CNOT4: variants seen among roughly 807,000 people sequenced by gnomAD.
CNOT4 encodes CCR4-NOT transcription complex subunit 4.
A neutral mutation model predicts 73.8 loss-of-function variants in CNOT4; 8 were observed. The observed-to-expected ratio is 0.11, with a 90% CI of 0.06 to 0.20. The LOEUF (loss-of-function observed/expected upper bound fraction) is 0.20. CNOT4 is among the 10% of genes least tolerant of loss of function. CNOT4 has a pLI of 1.00. For synonymous variants in CNOT4, 293 were observed against 321.1 expected, an observed-to-expected ratio of 0.91 and a Z score of 0.94; for missense variants, 564 against 883.4, an observed-to-expected ratio of 0.64 and a Z score of 4.58.
chr7:135,493,075 T>G (rs1017414492), intron 1 of CNOT4, among the ~76,000 whole-genome samples: 6 of 152,038 alleles, frequency 3.9e-5, no homozygotes, highest in Non-Finnish European at 5.9e-5. Flanking sequence ...AACAAGAGAA[T>G]GGTGGACAAC....
At chr7:135,434,940 T>C (rs1386282014) in intron 2 of CNOT4, among the ~76,000 whole-genome samples, 1 of 152,194 alleles carries the variant, frequency 6.6e-6, no homozygotes, top group Non-Finnish European at 1.5e-5. Context: ...ATAAAGTTCA[T>C]GAATCTTTGC....
rs544095892 is a variant in CNOT4, at chr7:135,362,714, T to C, written c.*171A>G. 8 of 768,310 alleles carry C rather than the reference T, an allele frequency of 1.0e-5. No homozygotes were observed. The highest frequency in any genetic ancestry group is 2.4e-5 in the East Asian group (1 of 40,862). The allele number at this position is 768,310 out of a possible 1,614,324, so 47.6% of individuals were successfully genotyped here. A position where few individuals can be genotyped will look rare whatever the true frequency, so the allele number is the denominator to read the frequency against. ...AAAATTTTTACAATTAATAAAGAGA[T>C]GGTAATGACCCTGTGATCGCATTGC... On this transcript the variant is annotated 3_prime_UTR_variant, in exon 12 of 12. Coordinates refer to ENST00000541284, the MANE Select transcript of CNOT4 (RefSeq NM_001190850.2).
chr7:135,421,871 A>G (rs1798213624), intron 3 of CNOT4, among the ~76,000 whole-genome samples: 1 of 152,346 alleles, frequency 6.6e-6, no homozygotes. Context: ...ACAGCAAAAT[A>G]GAATCATTAT....
At chr7:135,419,916 G>A (rs549166337) in intron 3 of CNOT4, among the ~76,000 whole-genome samples, 1 of 151,830 alleles carries the variant, frequency 6.6e-6, no homozygotes, top group Admixed American at 6.6e-5. Context: ...AGCTGGGCAT[G>A]GTGGTGCACA....
At chr7:135,437,847 C>A (rs1799250730) in intron 2 of CNOT4, among the ~76,000 whole-genome samples, 1 of 152,128 alleles carries the variant, frequency 6.6e-6, no homozygotes, top group South Asian at 2.1e-4. Context: ...CCTCTCTATT[C>A]TTAATTTCCT....
rs1271666452 is a variant in CNOT4, at chr7:135,364,502, A to G, written c.1628-436T>C. ...TATTTCTCAGCCCACAAATGGAAGA[A>G]AAGTCATTTTATGAAGAATAAACAT... On this transcript the variant is annotated intron_variant, in intron 10 of 11. Transcript: ENST00000541284. The surrounding 1 kb of genome is among the most constrained non-coding windows in gnomAD (Gnocchi z 4.3). Among the ~76,000 whole-genome samples the G allele has an allele frequency of 5.9e-5, 9 of 152,276 alleles. No homozygotes were observed. Among genetic ancestry groups the G allele is most frequent in the Non-Finnish European group, 1.3e-4 (9 of 68,046 alleles).
intron 1 of CNOT4, among the ~76,000 whole-genome samples, chr7:135,467,683 C>A (rs969584392): frequency 1.1e-4 from 16 of 151,890 alleles, no homozygotes; most frequent in African/African-American, 3.9e-4. Flanking sequence ...TGCACTCCAG[C>A]CTGGATGACA....
intron 1 of CNOT4, among the ~76,000 whole-genome samples, chr7:135,495,268 G>A (rs1432858125): frequency 1.3e-5 from 2 of 152,128 alleles, no homozygotes; most frequent in Non-Finnish European, 2.9e-5. Flanking sequence ...ACTTTGGGAG[G>A]CCAAGGCGGG....
chr7:135,387,135 G>A, intron 10 of CNOT4: 2 of 978,682 alleles, frequency 2.0e-6, no homozygotes, highest in Non-Finnish European at 2.4e-6. Flanking sequence ...TATAGTAAAA[G>A]ACTGATAATA....
chr7:135,456,868 G>C lies in CNOT4; in HGVS notation c.-92-18445C>G, dbSNP rs79312099. Among the ~76,000 whole-genome samples, 342 of 152,090 alleles carry C rather than the reference G, an allele frequency of 2.2e-3. 12 individuals carry two copies. In the East Asian group the frequency reaches 0.054, roughly 24 times the overall value. On this transcript the variant is annotated intron_variant, in intron 1 of 11. Transcript: ENST00000541284. ...TTTCAGGCAATCACTGGGGGTCTTG[G>C]AACGCATCACCCATGGATAAGGGAG...
intron 1 of CNOT4, among the ~76,000 whole-genome samples, chr7:135,482,823 T>C (rs575141325): frequency 2.7e-5 from 4 of 150,542 alleles, no homozygotes; most frequent in African/African-American, 9.8e-5. Context: ...TCTAATTTTG[T>C]AAAAATACAA....
chr7:135,459,473 T>C (rs1800743023), intron 1 of CNOT4, among the ~76,000 whole-genome samples: 1 of 152,230 alleles, frequency 6.6e-6, no homozygotes, highest in South Asian at 2.1e-4. Context: ...AAGAAATCTT[T>C]TGACTATTAG....
chr7:135,430,663 A>C (rs1423618309), intron 2 of CNOT4, among the ~76,000 whole-genome samples: 2 of 152,144 alleles, frequency 1.3e-5, no homozygotes, highest in African/African-American at 4.8e-5. Context: ...AAACCAAAAA[A>C]CATAAATTAC....
chr7:135,440,846 G>A (rs992297155), intron 1 of CNOT4, among the ~76,000 whole-genome samples: 7 of 151,808 alleles, frequency 4.6e-5, no homozygotes, highest in African/African-American at 1.7e-4. Flanking sequence ...TTGAACCCAG[G>A]AGGCGGAGGT....
At chr7:135,485,025 T>G (rs1802626264) in intron 1 of CNOT4, among the ~76,000 whole-genome samples, 1 of 152,164 alleles carries the variant, frequency 6.6e-6, no homozygotes, top group Non-Finnish European at 1.5e-5. Context: ...CTCCCCAAAT[T>G]GATGTATAGT....
intron 7 of CNOT4, among the ~76,000 whole-genome samples, chr7:135,409,792 C>A (rs971150988): frequency 9.2e-5 from 14 of 151,952 alleles, no homozygotes; most frequent in African/African-American, 3.4e-4. Context: ...CCTAACACAT[C>A]AAATTTAAAG....
intron 7 of CNOT4, among the ~76,000 whole-genome samples, chr7:135,398,993 A>G (rs1294635388): frequency 6.6e-6 from 1 of 152,142 alleles, no homozygotes; most frequent in Non-Finnish European, 1.5e-5. Context: ...GATTCAAACA[A>G]AAACATTAAC....
intron 1 of CNOT4, among the ~76,000 whole-genome samples, chr7:135,468,452 A>G (rs1191363667): frequency 2.0e-5 from 3 of 152,078 alleles, no homozygotes; most frequent in Non-Finnish European, 2.9e-5. Context: ...AGGCCAAGGC[A>G]GGTGGGTGAC....
intron 2 of CNOT4, among the ~76,000 whole-genome samples, chr7:135,425,657 T>C (rs931889806): frequency 1.3e-5 from 2 of 152,186 alleles, no homozygotes; most frequent in African/African-American, 4.8e-5. Context: ...CTTATTCCAG[T>C]ACCTTAAAAG....
Sources: allele counts gnomAD v4.1 joint callset (sites outside exome capture counted in the v4.1 genomes callset), GRCh38; gene constraint gnomAD v4.1.1; non-coding constraint Gnocchi (gnomAD v3.1); transcripts MANE v1.5; gene names NCBI Gene and HGNC (gene_info 2026-07-23, HGNC 2026-07-21).